The following CNBD2 variants were observed in gnomAD, a reference collection of about 807,000 sequenced individuals.
The protein encoded by CNBD2 is cyclic nucleotide binding domain containing 2.
A neutral mutation model predicts 63.7 loss-of-function variants in CNBD2; 64 were observed. The ratio of observed to expected loss-of-function variants is 1.00; its 90% CI spans 0.82 to 1.24. The LOEUF (loss-of-function observed/expected upper bound fraction) is 1.24, where lower values mean the gene tolerates loss of function less well. Among genes scored for constraint, CNBD2 ranks in the 50% most tolerant of loss-of-function variants. The pLI is 0.00. For missense variants in CNBD2, 691 were observed against 713.5 expected (o/e 0.97, Z 0.36); for synonymous variants, 229 against 255.4 (o/e 0.90, Z 0.99).
chr20:35,955,709 G>A (rs2056249465), downstream of CNBD2, among the ~76,000 whole-genome samples: 1 of 152,128 alleles, frequency 6.6e-6, no homozygotes. Context: ...AAAGCACGTG[G>A]CCCTGACAGC....
chr20:35,994,168 C>T (rs928685351), intron 7 of CNBD2, among the ~76,000 whole-genome samples: 6 of 151,806 alleles, frequency 4.0e-5, no homozygotes, highest in East Asian at 1.9e-4. Flanking sequence ...TGGGTTCAAG[C>T]GATTCTCCTG....
chr20:35,997,912 C>T (rs1296735335), intron 8 of CNBD2, among the ~76,000 whole-genome samples: 1 of 152,064 alleles, frequency 6.6e-6, no homozygotes, highest in Non-Finnish European at 1.5e-5. Context: ...TTATTCAGTT[C>T]AAAATACCTT....
chr20:35,994,316 C>T (rs530552416), intron 7 of CNBD2, among the ~76,000 whole-genome samples: 26 of 152,190 alleles, frequency 1.7e-4, no homozygotes, highest in Middle Eastern at 3.4e-3. Context: ...CTGCCTGCCT[C>T]AGCCTCCCAA....
At position 36,030,366 on chromosome 20, in the gene CNBD2, T is replaced by A; in HGVS notation, c.1449T>A (p.Asp483Glu). ...KLNIAFPSDE[D>E]MCQKFLQQNS... ...TGTGCCTGCCCTTTAGTGATGAAGA[T>A]ATGTGCCAGAAGTTCCTCCAGCAGA... is the stretch of plus-strand genomic sequence containing the variant. Residue 483 changes from aspartate (D) to glutamate (E), a missense_variant, in exon 12 of 12, where the codon GAT becomes GAA. Transcript: ENST00000373973. 2 of 1,614,054 alleles carry A rather than the reference T, an allele frequency of 1.2e-6. No individual in the cohort carries two copies. The highest frequency in any genetic ancestry group is 1.7e-6 in the Non-Finnish European group (2 of 1,179,994).
chr20:35,957,313 G>A (rs562552470), downstream of CNBD2, among the ~76,000 whole-genome samples: 123 of 152,244 alleles, frequency 8.1e-4, no homozygotes, highest in Non-Finnish European at 1.5e-3. Context: ...TTGGCCGGGC[G>A]CGGTGGCTCA....
At chr20:35,987,348 C>A in intron 6 of CNBD2, 47 bp from the exon 7 acceptor site, 1 of 1,609,718 alleles carries the variant, frequency 6.2e-7, no homozygotes, top group Admixed American at 1.7e-5. Flanking sequence ...AAGGTCTGGG[C>A]ACCTTGTGTG....
intron 11 of CNBD2, among the ~76,000 whole-genome samples, 189 bp downstream of exon 11, chr20:36,023,960 A>G (rs759890952): frequency 2.0e-5 from 3 of 152,260 alleles, no homozygotes; most frequent in East Asian, 1.9e-4. Flanking sequence ...TTCAAGTGCT[A>G]TAAAACTGTC....
chr20:35,973,061 A>C, intron 2 of CNBD2: 1 of 487,698 alleles, frequency 2.1e-6, no homozygotes, highest in Non-Finnish European at 3.6e-6. Context: ...GCCAAAACTC[A>C]TGGCAGGGAA....
rs1347132208 is a variant in CNBD2 at position 36,030,551 on chromosome 20, A to T, written c.1634A>T (p.Tyr545Phe). ...ATCAACAAGACGACTAAACCTCGTT[A>T]TCCTATTTTTATGGCACCCCAGAAA... ...CSINKTTKPR[Y>F]PIFMAPQKYL... The change falls in exon 12 of 12, where the codon TAT becomes TTT. Residue 545 changes from tyrosine (Y) to phenylalanine (F), a missense_variant. Physicochemically the swap from Tyr to Phe is conservative, Grantham distance 22. Coordinates refer to ENST00000373973, the MANE Select transcript of CNBD2 (RefSeq NM_001365709.1). 2 of 1,614,054 alleles carry T rather than the reference A, an allele frequency of 1.2e-6. No homozygotes were observed. Among genetic ancestry groups the T allele is most frequent in the East Asian group, 2.2e-5 (1 of 44,902 alleles).
chr20:36,022,217 T>TTTTTTTTTG lies in CNBD2; in HGVS notation c.1270-1385_1270-1384insTTTTTTTTG, dbSNP rs561441076. Among the ~76,000 whole-genome samples, 44 of 107,152 alleles carry TTTTTTTTTG rather than the reference T, an allele frequency of 4.1e-4. 2 individuals carry two copies. Among genetic ancestry groups the TTTTTTTTTG allele is most frequent in the African/African-American group, 1.6e-3 (32 of 20,264 alleles). The allele number at this position is 107,152 out of a possible 152,430, so 70.3% of individuals were successfully genotyped here. A position where few individuals can be genotyped will look rare whatever the true frequency, so the allele number is the denominator to read the frequency against. On this transcript the variant is annotated intron_variant, in intron 10 of 11. Transcript: ENST00000373973. ...TTTCTTTTTTTTTTTTTTTTTTTTT[T>TTTTTTTTTG]GAGATGGAGTCTCGCTCTGTCGTCA...
intron 11 of CNBD2, among the ~76,000 whole-genome samples, chr20:36,025,522 A>G (rs2057272786): frequency 6.6e-6 from 1 of 151,968 alleles, no homozygotes; most frequent in African/African-American, 2.4e-5. Flanking sequence ...TTTTGTAGAG[A>G]TGGGGGTCTC....
intron 8 of CNBD2, among the ~76,000 whole-genome samples, chr20:35,997,468 A>G (rs1032319766): frequency 2.0e-5 from 3 of 152,182 alleles, no homozygotes; most frequent in African/African-American, 7.2e-5. Flanking sequence ...TGGTTTCTTC[A>G]TATCTACCTT....
intron 2 of CNBD2, chr20:35,973,010 C>T (rs978676206): frequency 4.7e-5 from 25 of 526,502 alleles, no homozygotes; most frequent in African/African-American, 4.0e-4. Context: ...CCACAGGCAA[C>T]GCTGGACCAA....
downstream of CNBD2, among the ~76,000 whole-genome samples, chr20:35,957,185 C>G (rs570009466): frequency 6.6e-6 from 1 of 152,216 alleles, no homozygotes; most frequent in South Asian, 2.1e-4. Context: ...ACTGGAAGGG[C>G]CCTTAGAAAT....
At chr20:35,986,700 A>C in intron 6 of CNBD2, among the ~76,000 whole-genome samples, 1 of 152,238 alleles carries the variant, frequency 6.6e-6, no homozygotes, top group Non-Finnish European at 1.5e-5. Flanking sequence ...CAATGAACTC[A>C]GTCCACCTGA....
chr20:35,999,679 CTTTT>C (rs35106057), intron 8 of CNBD2, among the ~76,000 whole-genome samples: 2 of 142,090 alleles, frequency 1.4e-5, no homozygotes, highest in Admixed American at 1.4e-4. Flanking sequence ...CAAGTATCTT[CTTTT>C]TTTTTTTTTT....
At chr20:36,003,482 T>C (rs1173359983) in intron 8 of CNBD2, among the ~76,000 whole-genome samples, 1 of 152,210 alleles carries the variant, frequency 6.6e-6, no homozygotes, top group African/African-American at 2.4e-5. Context: ...CAGTGTTTAA[T>C]CTAGAGCTAG....
chr20:35,976,144 C>T (rs1380781234), intron 3 of CNBD2, 142 bp downstream of exon 3: 7 of 668,138 alleles, frequency 1.0e-5, no homozygotes, highest in East Asian at 2.6e-5. Context: ...TTGGCCACTT[C>T]GTTTCCTCAT....
chr20:36,001,717 C>T (rs1325082633), intron 8 of CNBD2, among the ~76,000 whole-genome samples: 39 of 132,256 alleles, frequency 2.9e-4, no homozygotes, highest in Middle Eastern at 4.3e-3. Flanking sequence ...ACCTCCCAGA[C>T]GGGGTCGCGG....
Sources: allele counts gnomAD v4.1 joint callset (sites outside exome capture counted in the v4.1 genomes callset), GRCh38; gene constraint gnomAD v4.1.1; transcripts MANE v1.5; gene names NCBI Gene and HGNC (gene_info 2026-07-23, HGNC 2026-07-21).